LRRTM4: variants seen among roughly 807,000 people sequenced by gnomAD.
LRRTM4 encodes leucine rich repeat transmembrane neuronal 4.
In LRRTM4, 25 loss-of-function variants were observed where a neutral mutation model predicts 47.6. That is an observed-to-expected ratio of 0.53 (90% CI 0.38 to 0.73). The LOEUF is 0.73. LRRTM4 is among the 30% of genes least tolerant of loss of function. The probability of loss-of-function intolerance (pLI) is 0.00; values close to 1 mark genes in which losing one functional copy is unlikely to be tolerated. For missense variants in LRRTM4, 638 were observed against 713.4 expected, an observed-to-expected ratio of 0.89 and a Z score of 1.20; for synonymous variants, 311 against 269.5, an observed-to-expected ratio of 1.15 and a Z score of -1.51.
intron 3 of LRRTM4, among the ~76,000 whole-genome samples, chr2:77,367,196 AGTTTTCCTAT>A (rs1672493689): frequency 6.6e-6 from 1 of 151,610 alleles, no homozygotes; most frequent in African/African-American, 2.4e-5. Flanking sequence ...TTAGCTAAGA[AGTTTTCCTAT>A]CCTCCTAACC....
intron 3 of LRRTM4, among the ~76,000 whole-genome samples, chr2:77,053,504 A>G (rs1679507584): frequency 6.6e-6 from 1 of 152,156 alleles, no homozygotes; most frequent in African/African-American, 2.4e-5. Flanking sequence ...ATTTTAAAAG[A>G]CTACATTTAA....
intron 3 of LRRTM4, among the ~76,000 whole-genome samples, chr2:76,813,174 A>G (rs1003768576): frequency 1.3e-5 from 2 of 152,130 alleles, no homozygotes; most frequent in Admixed American, 1.3e-4. Flanking sequence ...CAAAAAAATA[A>G]AAATTCCTCA....
chr2:77,504,220 A>C (rs2104085100), intron 3 of LRRTM4, among the ~76,000 whole-genome samples: 1 of 151,760 alleles, frequency 6.6e-6, no homozygotes, highest in African/African-American at 2.4e-5. Context: ...TTTTTTGTAA[A>C]TAGATTTTAC....
rs547535074 is a variant in LRRTM4 at position 77,401,189 on chromosome 2, T to C, written c.1551+117129A>G. Among the ~76,000 whole-genome samples, 124 of 152,082 alleles carry C rather than the reference T, an allele frequency of 8.2e-4. 1 individual carries two copies. The highest frequency in any genetic ancestry group is 2.9e-3 in the African/African-American group (120 of 41,528). ...CCTGGAAGCTTGTTAAAGATGCTAATTCTTGGGTCCCTCTGAATACCTGCT... is the reference window on the plus strand; with the variant it reads ...CCTGGAAGCTTGTTAAAGATGCTAACTCTTGGGTCCCTCTGAATACCTGCT... On this transcript the variant is annotated intron_variant, in intron 3 of 3. Coordinates refer to ENST00000409884, the MANE Select transcript of LRRTM4 (RefSeq NM_001134745.3).
chr2:77,423,007 C>G (rs1404344330), intron 3 of LRRTM4, among the ~76,000 whole-genome samples: 1 of 151,844 alleles, frequency 6.6e-6, no homozygotes, highest in African/African-American at 2.4e-5. Context: ...TGACACAAAC[C>G]TTAGGATTAC....
At chr2:76,750,688 T>A (rs59960669) in intron 3 of LRRTM4, among the ~76,000 whole-genome samples, 10,640 of 152,220 alleles carry the variant, frequency 0.07, 750 homozygotes, top group East Asian at 0.31. Flanking sequence ...TATTTTTAGA[T>A]GTCATTCGTC....
intron 3 of LRRTM4, among the ~76,000 whole-genome samples, chr2:76,972,224 G>C (rs1676243664): frequency 6.6e-6 from 1 of 151,922 alleles, no homozygotes; most frequent in Non-Finnish European, 1.5e-5. Flanking sequence ...AGGTGAGAGA[G>C]GACTGAGGAG....
At position 76,943,614 on chromosome 2, in the gene LRRTM4, C is replaced by T. The variant is rs570169444; in HGVS notation, c.1552-194698G>A. Among the ~76,000 whole-genome samples, 5 of 152,188 alleles carry T rather than the reference C, an allele frequency of 3.3e-5. No homozygotes were observed. The South Asian group carries it at 1.0e-3, about 32-fold the overall frequency. On this transcript the variant is annotated intron_variant, in intron 3 of 3. Transcript: ENST00000409884. ...TCTCTCCATGACAATTTGACCCTAC[C>T]CTACCACATTTGTGAGCTTCAGACT... is the stretch of plus-strand genomic sequence containing the variant.
intron 3 of LRRTM4, among the ~76,000 whole-genome samples, chr2:77,123,127 A>T (rs1042923130): frequency 1.4e-4 from 22 of 151,848 alleles, no homozygotes; most frequent in African/African-American, 4.3e-4. Flanking sequence ...CAATCATGAA[A>T]GGAAATAGAT....
intron 3 of LRRTM4, among the ~76,000 whole-genome samples, chr2:76,797,288 A>G (rs9678209): frequency 0.12 from 18,769 of 152,086 alleles, 1,435 homozygotes; most frequent in East Asian, 0.29. Context: ...CCTACAAGCC[A>G]GAAGAGAGTG....
rs1205614637 is a variant in LRRTM4 at position 77,519,025 on chromosome 2, A to G, written c.844T>C (p.Leu282=). 5.0e-6 allele frequency: 8 copies of G among 1,611,738 alleles called. No homozygotes were observed. Among genetic ancestry groups the G allele is most frequent in the Non-Finnish European group, 6.8e-6 (8 of 1,178,896 alleles). ...GTGAGCTTGTTGGAATCCAAATTCA[A>G]TTTTTGTAAATTGGGGAGGCATTTA... ...TFKCLPNLQK[L]NLDSNKLTNI... Residue 282 remains leucine, a synonymous_variant, in exon 3 of 4, where the codon TTG becomes CTG. Transcript: ENST00000409884. This position sits in a 1 kb window ranked among gnomAD's most constrained non-coding sequence, Gnocchi z 4.6.
At chr2:76,944,570 C>T (rs956417837) in intron 3 of LRRTM4, among the ~76,000 whole-genome samples, 1 of 151,966 alleles carries the variant, frequency 6.6e-6, no homozygotes, top group African/African-American at 2.4e-5. Flanking sequence ...AAGGAGATGA[C>T]ACATAATCAT....
intron 3 of LRRTM4, among the ~76,000 whole-genome samples, chr2:76,929,277 T>A (rs1674690279): frequency 6.6e-6 from 1 of 152,138 alleles, no homozygotes; most frequent in Non-Finnish European, 1.5e-5. Context: ...AACAGCTAGA[T>A]GTTTCGCAAA....
At chr2:77,026,390 A>G (rs1184520562) in intron 3 of LRRTM4, among the ~76,000 whole-genome samples, 1 of 152,146 alleles carries the variant, frequency 6.6e-6, no homozygotes, top group Non-Finnish European at 1.5e-5. Flanking sequence ...AATCAAGTAC[A>G]TGCTGCCAGA....
chr2:76,880,499 C>T (rs1672899145), intron 3 of LRRTM4, among the ~76,000 whole-genome samples: 1 of 152,010 alleles, frequency 6.6e-6, no homozygotes, highest in Non-Finnish European at 1.5e-5. Flanking sequence ...TAGAGTTTAA[C>T]ATAACTTTTA....
chr2:76,837,475 G>T (rs1316164940), intron 3 of LRRTM4, among the ~76,000 whole-genome samples: 2 of 151,880 alleles, frequency 1.3e-5, no homozygotes, highest in African/African-American at 4.8e-5. Flanking sequence ...TGATGTTAGG[G>T]TGTCAATTTT....
chr2:77,068,837 C>G (rs982810006), intron 3 of LRRTM4, among the ~76,000 whole-genome samples: 1 of 152,180 alleles, frequency 6.6e-6, no homozygotes, highest in Admixed American at 6.5e-5. Context: ...ATAAGGCCTA[C>G]GCTGGAAGGT....
intron 3 of LRRTM4, among the ~76,000 whole-genome samples, chr2:77,007,137 G>A (rs1222535955): frequency 6.6e-6 from 1 of 151,644 alleles, no homozygotes; most frequent in Non-Finnish European, 1.5e-5. Flanking sequence ...AAATTTTCCT[G>A]TAATAAATAA....
intron 3 of LRRTM4, among the ~76,000 whole-genome samples, chr2:77,284,325 T>C (rs1239442457): frequency 1.3e-5 from 2 of 152,160 alleles, no homozygotes; most frequent in African/African-American, 4.8e-5. Context: ...ATAGATTTAC[T>C]GTTAGATAAT....
Sources: allele counts gnomAD v4.1 joint callset (sites outside exome capture counted in the v4.1 genomes callset), GRCh38; gene constraint gnomAD v4.1.1; non-coding constraint Gnocchi (gnomAD v3.1); transcripts MANE v1.5; gene names NCBI Gene and HGNC (gene_info 2026-07-23, HGNC 2026-07-21).